The following LINGO2 variants were observed in gnomAD, a reference collection of about 807,000 sequenced individuals.
LINGO2 encodes leucine-rich repeat and immunoglobulin-like domain-containing nogo receptor-interacting protein 2.
A neutral mutation model predicts 30.6 loss-of-function variants in LINGO2; 14 were observed. That is an observed-to-expected ratio of 0.46 (90% CI 0.30 to 0.72). The LOEUF (loss-of-function observed/expected upper bound fraction) is 0.72, where lower values mean the gene tolerates loss of function less well. LINGO2 is among the 30% of genes least tolerant of loss of function. The pLI, the probability that LINGO2 is intolerant of heterozygous loss-of-function variation, is 0.07. For synonymous variants in LINGO2, 317 were observed against 288.5 expected (o/e 1.10, Z -1.00); for missense variants, 729 against 751.7 (o/e 0.97, Z 0.35).
the LINGO2 span, among the ~76,000 whole-genome samples, chr9:28,799,899 T>C: frequency 2.0e-5 from 3 of 152,078 alleles, no homozygotes; most frequent in Non-Finnish European, 4.4e-5. Flanking sequence ...TAGAAATGCA[T>C]CTCTGAAATT....
rs1442676751 is a variant in LINGO2, at chr9:28,351,262, TA to T, written c.-246+21573del. On this transcript the variant is annotated intron_variant, in intron 3 of 5. Transcript: ENST00000379992. Reference sequence around the variant, plus strand: ...ATTGATAGACCGCTAGCAAGACTAATAAAGAAAAAAAGAGAGAAGAATCAAA... The same window carrying T: ...ATTGATAGACCGCTAGCAAGACTAATAAGAAAAAAAGAGAGAAGAATCAAA... Among the ~76,000 whole-genome samples the T allele has an allele frequency of 1.7e-4, 24 of 138,164 alleles. No homozygotes were observed. The East Asian group carries it at 4.8e-3, about 28-fold the overall frequency. 90.6% of individuals were successfully genotyped at this position (138,164 alleles called of 152,430 possible). A position where few individuals can be genotyped will look rare whatever the true frequency, so the allele number is the denominator to read the frequency against.
the LINGO2 span, among the ~76,000 whole-genome samples, chr9:29,001,080 T>C: frequency 3.4e-4 from 32 of 95,000 alleles, no homozygotes; most frequent in Non-Finnish European, 6.9e-4. Context: ...ATTTTGATTT[T>C]GTATATTTGT....
the LINGO2 span, among the ~76,000 whole-genome samples, chr9:28,728,408 T>A: frequency 6.1e-5 from 9 of 147,586 alleles, no homozygotes; most frequent in Admixed American, 5.4e-4. Context: ...AAATTGCAAA[T>A]GAAAAAAAAG....
At chr9:28,893,101 T>C in the LINGO2 span, among the ~76,000 whole-genome samples, 1 of 151,966 alleles carries the variant, frequency 6.6e-6, no homozygotes, top group Non-Finnish European at 1.5e-5. Context: ...TGAAAGCCTC[T>C]CTTCTCTTCT....
intron 4 of LINGO2, among the ~76,000 whole-genome samples, chr9:28,070,592 T>G (rs545617242): frequency 6.6e-6 from 1 of 152,354 alleles, no homozygotes; most frequent in African/African-American, 2.4e-5. Context: ...AGTAAATCAT[T>G]TATAAACTAG....
At chr9:28,047,041 T>G (rs1460686929) in intron 4 of LINGO2, among the ~76,000 whole-genome samples, 1 of 152,094 alleles carries the variant, frequency 6.6e-6, no homozygotes, top group East Asian at 1.9e-4. Flanking sequence ...TAAGTAATGC[T>G]TAGCAGATTG....
intron 1 of LINGO2, among the ~76,000 whole-genome samples, chr9:28,539,933 TC>T (rs1344006458): frequency 6.6e-6 from 1 of 152,128 alleles, no homozygotes; most frequent in Non-Finnish European, 1.5e-5. Context: ...TCCCACAGGC[TC>T]CACTAGCTGA....
intron 1 of LINGO2, among the ~76,000 whole-genome samples, chr9:28,533,606 T>C (rs1350654200): frequency 6.6e-6 from 1 of 152,212 alleles, no homozygotes; most frequent in Non-Finnish European, 1.5e-5. Flanking sequence ...GTGTGGCCTA[T>C]GTTATCTGTC....
intron 4 of LINGO2, among the ~76,000 whole-genome samples, chr9:28,039,389 C>T (rs1474758133): frequency 3.9e-5 from 6 of 152,048 alleles, no homozygotes; most frequent in Non-Finnish European, 8.8e-5. Context: ...TTTAAGAGAA[C>T]ACGTTATTGC....
At chr9:28,790,422 G>A in the LINGO2 span, among the ~76,000 whole-genome samples, 5 of 142,390 alleles carry the variant, frequency 3.5e-5, no homozygotes, top group South Asian at 2.4e-4. Flanking sequence ...TCCGCCTCCC[G>A]GGTTCACGCC....
At chr9:28,630,337 G>A (rs989909968) in intron 1 of LINGO2, among the ~76,000 whole-genome samples, 2 of 151,786 alleles carry the variant, frequency 1.3e-5, no homozygotes, top group African/African-American at 4.8e-5. Flanking sequence ...TATTCTAATT[G>A]GCTCATCTTT....
chr9:29,064,115 T>A, the LINGO2 span, among the ~76,000 whole-genome samples: 4 of 152,140 alleles, frequency 2.6e-5, no homozygotes, highest in Non-Finnish European at 5.9e-5. Context: ...ATATCAATAA[T>A]CATGACATGA....
Position 28,322,244 on chromosome 9 carries a change from A to G in LINGO2, c.-245-26878T>C, listed in dbSNP as rs1825070234. ...GAATCCTTCTGATCATTTGGATGAC[A>G]GCACAAATGTTTCCTCATCAGAGAG... On this transcript the variant is annotated intron_variant, in intron 3 of 5. Coordinates refer to ENST00000379992, the Ensembl canonical transcript of LINGO2. Among the ~76,000 whole-genome samples the G allele has an allele frequency of 2.0e-5, 3 of 152,214 alleles. 1 individual carries two copies. In the South Asian group the frequency reaches 6.2e-4, roughly 32 times the overall value.
intron 1 of LINGO2, among the ~76,000 whole-genome samples, chr9:28,506,455 CAT>C (rs1564250571): frequency 0.014 from 1,301 of 90,324 alleles, 32 homozygotes; most frequent in East Asian, 0.04. Context: ...CACACACACA[CAT>C]ACACATACAC....
chr9:27,998,405 G>T (rs759883741), intron 5 of LINGO2, among the ~76,000 whole-genome samples: 5 of 152,138 alleles, frequency 3.3e-5, no homozygotes, highest in Non-Finnish European at 4.4e-5. Context: ...GCCCTCAGCT[G>T]TTCCAGTTAT....
At chr9:28,547,397 T>C (rs1026166431) in intron 1 of LINGO2, among the ~76,000 whole-genome samples, 4 of 152,140 alleles carry the variant, frequency 2.6e-5, no homozygotes, top group Non-Finnish European at 4.4e-5. Context: ...ATCTCTCTGA[T>C]ATAAATTTCA....
chr9:28,470,044 A>G (rs894397255), intron 2 of LINGO2, among the ~76,000 whole-genome samples: 1 of 152,154 alleles, frequency 6.6e-6, no homozygotes, highest in Non-Finnish European at 1.5e-5. Flanking sequence ...ATGTATATGT[A>G]TATATAGACG....
At chr9:28,425,312 A>T (rs2134905479) in intron 2 of LINGO2, among the ~76,000 whole-genome samples, 1 of 127,866 alleles carries the variant, frequency 7.8e-6, no homozygotes, top group Non-Finnish European at 1.6e-5. Flanking sequence ...GTGTATACAC[A>T]GTATATATGT....
At chr9:28,315,509 T>G (rs1332415139) in intron 3 of LINGO2, among the ~76,000 whole-genome samples, 2 of 152,206 alleles carry the variant, frequency 1.3e-5, no homozygotes, top group Non-Finnish European at 2.9e-5. Context: ...TCTTTATTTA[T>G]GGAAGCATTC....
Sources: allele counts gnomAD v4.1 joint callset (sites outside exome capture counted in the v4.1 genomes callset), GRCh38; gene constraint gnomAD v4.1.1; transcripts MANE v1.5; gene names NCBI Gene and HGNC (gene_info 2026-07-23, HGNC 2026-07-21).